FYN: variants seen among roughly 807,000 people sequenced by gnomAD.
The protein encoded by FYN is tyrosine-protein kinase Fyn.
In FYN, 10 loss-of-function variants were observed where a neutral mutation model predicts 70.2. That is an observed-to-expected ratio of 0.14 (90% CI 0.09 to 0.24). FYN has a LOEUF of 0.24. FYN is among the 10% of genes least tolerant of loss of function. FYN has a pLI of 1.00. For synonymous variants in FYN, 236 were observed against 248.6 expected, an observed-to-expected ratio of 0.95 and a Z score of 0.48; for missense variants, 319 against 673.1, an observed-to-expected ratio of 0.47 and a Z score of 5.82.
intron 3 of FYN, among the ~76,000 whole-genome samples, chr6:111,756,681 T>C (rs571170047): frequency 1.3e-5 from 2 of 152,198 alleles, no homozygotes; most frequent in South Asian, 4.1e-4. Context: ...TGGATGACAA[T>C]AATTCCTGTA....
intron 2 of FYN, among the ~76,000 whole-genome samples, chr6:111,822,851 A>C (rs1772715882): frequency 6.6e-6 from 1 of 152,174 alleles, no homozygotes; most frequent in Admixed American, 6.5e-5. Flanking sequence ...CCACACCATC[A>C]TTGACTGTCA....
chr6:111,683,477 C>T (rs1325197330), intron 12 of FYN, among the ~76,000 whole-genome samples: 1 of 152,102 alleles, frequency 6.6e-6, no homozygotes, highest in East Asian at 1.9e-4. Context: ...AAAAACTAGG[C>T]CAAGGTGGAG....
intron 3 of FYN, among the ~76,000 whole-genome samples, chr6:111,775,050 A>G (rs965087492): frequency 1.4e-4 from 21 of 152,284 alleles, no homozygotes; most frequent in African/African-American, 4.6e-4. Context: ...AGCTATGCCT[A>G]CGATACCCTA....
intron 13 of FYN, among the ~76,000 whole-genome samples, chr6:111,668,980 A>T (rs553670485): frequency 2.6e-5 from 4 of 152,282 alleles, no homozygotes; most frequent in Admixed American, 2.6e-4. Context: ...CAGAGGGAGG[A>T]CCAGAGTGGC....
At chr6:111,667,127 T>C (rs1798045189) in intron 13 of FYN, among the ~76,000 whole-genome samples, 1 of 152,152 alleles carries the variant, frequency 6.6e-6, no homozygotes, top group African/African-American at 2.4e-5. Flanking sequence ...TTGCCAACAG[T>C]GTCTATTCTT....
At chr6:111,783,055 C>T (rs1771234441) in intron 2 of FYN, among the ~76,000 whole-genome samples, 1 of 152,194 alleles carries the variant, frequency 6.6e-6, no homozygotes. Flanking sequence ...CTGTGATTGT[C>T]CAGCCTCAGC....
chr6:111,834,515 T>A (rs1183055120), intron 2 of FYN, among the ~76,000 whole-genome samples: 3 of 152,112 alleles, frequency 2.0e-5, no homozygotes, highest in Non-Finnish European at 2.9e-5. Flanking sequence ...AACAGAAGAC[T>A]CAACATTGAT....
intron 3 of FYN, among the ~76,000 whole-genome samples, chr6:111,762,645 C>G (rs6926405): frequency 6.6e-6 from 1 of 151,948 alleles, no homozygotes. Context: ...ATATATTTCC[C>G]TGATGTATTT....
At chr6:111,662,001 G>C in intron 13 of FYN, 54 bp from the exon 14 acceptor site, 3 of 1,416,284 alleles carry the variant, frequency 2.1e-6, no homozygotes, top group Non-Finnish European at 2.9e-6. Context: ...GGCCCTGACC[G>C]CCGCACTTGC....
At chr6:111,746,638 G>C (rs1420954083) in intron 3 of FYN, among the ~76,000 whole-genome samples, 1 of 152,134 alleles carries the variant, frequency 6.6e-6, no homozygotes, top group Non-Finnish European at 1.5e-5. Flanking sequence ...AATAAAGTAT[G>C]CAACTGCCTA....
At chr6:111,824,489 A>G (rs1772771605) in intron 2 of FYN, among the ~76,000 whole-genome samples, 1 of 152,200 alleles carries the variant, frequency 6.6e-6, no homozygotes, top group South Asian at 2.1e-4. Flanking sequence ...TCTACACTGC[A>G]TCTTGTTAAC....
chr6:111,821,023 A>C (rs903502922), intron 2 of FYN, among the ~76,000 whole-genome samples: 3 of 152,204 alleles, frequency 2.0e-5, no homozygotes, highest in Admixed American at 6.5e-5. Context: ...TTTTTTTAAA[A>C]AAGACTTTAC....
intron 12 of FYN, among the ~76,000 whole-genome samples, chr6:111,681,575 T>C (rs369114153): frequency 3.3e-5 from 5 of 152,308 alleles, no homozygotes; most frequent in African/African-American, 9.6e-5. Context: ...GCTTTGGAAA[T>C]GCTCTCTTTC....
intron 2 of FYN, among the ~76,000 whole-genome samples, chr6:111,796,639 A>T (rs1024184403): frequency 6.6e-5 from 10 of 152,206 alleles, no homozygotes; most frequent in African/African-American, 1.9e-4. Context: ...CATACATCCA[A>T]TAAACACTAA....
Position 111,674,626 on chromosome 6 carries a change from T to C in FYN, c.1278A>G (p.Ala426=), listed in dbSNP as rs758528682. Reference sequence around the variant, plus strand: ...GGGCCGTCCACTTGATGGGGAACTTTGCACCTGCAGAATGAACACTTGGTT... The same window carrying C: ...GGGCCGTCCACTTGATGGGGAACTTCGCACCTGCAGAATGAACACTTGGTT... ...EDNEYTARQG[A]KFPIKWTAPE... Residue 426 remains alanine (A), a synonymous_variant, in exon 13 of 14, where the codon GCA becomes GCG. Transcript: ENST00000354650. 3 of 1,613,092 alleles carry C rather than the reference T, an allele frequency of 1.9e-6. No individual in the cohort carries two copies. Among genetic ancestry groups the C allele is most frequent in the East Asian group, 4.5e-5 (2 of 44,842 alleles).
chr6:111,664,811 C>T (rs184153761), intron 13 of FYN, among the ~76,000 whole-genome samples: 12 of 152,314 alleles, frequency 7.9e-5, no homozygotes, highest in East Asian at 5.8e-4. Flanking sequence ...AACAATTCCA[C>T]GCACTGGGCC....
intron 3 of FYN, among the ~76,000 whole-genome samples, chr6:111,764,248 G>GAA (rs1803132999): frequency 2.2e-5 from 2 of 90,698 alleles, no homozygotes; most frequent in African/African-American, 9.8e-5. Context: ...GAAAAAAAAA[G>GAA]AAAGAAAGAA....
intron 7 of FYN, among the ~76,000 whole-genome samples, chr6:111,703,580 G>A (rs1220337401): frequency 5.9e-5 from 9 of 152,168 alleles, no homozygotes; most frequent in Admixed American, 5.2e-4. Context: ...GGGTTGTAAG[G>A]AGTTGTTAAA....
At position 111,674,368 on chromosome 6, in the gene FYN, C is replaced by T. The variant is rs868267021; in HGVS notation, c.1405+131G>A. The T allele has an allele frequency of 7.1e-6, 7 of 981,544 alleles. 1 individual carries two copies. In the Middle Eastern group the frequency reaches 1.8e-3, roughly 250 times the overall value. 60.8% of individuals were successfully genotyped at this position (981,544 alleles called of 1,614,324 possible). ...GCTTTTCTCTCGCTGAATACCTGGC[C>T]ATGTTCTTCAAACTCAAGCTCAGCA... On this transcript the variant is annotated intron_variant, in intron 13 of 13. Coordinates refer to ENST00000354650, the MANE Select transcript of FYN (RefSeq NM_002037.5).
Sources: allele counts gnomAD v4.1 joint callset (sites outside exome capture counted in the v4.1 genomes callset), GRCh38; gene constraint gnomAD v4.1.1; transcripts MANE v1.5; gene names NCBI Gene and HGNC (gene_info 2026-07-23, HGNC 2026-07-21).